The following RASA2 variants were observed in gnomAD, a reference collection of about 807,000 sequenced individuals.
The protein encoded by RASA2 is ras GTPase-activating protein 2.
A neutral mutation model predicts 118.2 loss-of-function variants in RASA2; 155 were observed. The ratio of observed to expected loss-of-function variants is 1.31; its 90% confidence interval spans 1.15 to 1.50. The LOEUF is 1.50. Ranked by LOEUF, RASA2 falls within the 40% of genes most tolerant of loss-of-function variation. The pLI, the probability that RASA2 is intolerant of heterozygous loss-of-function variation, is 0.00. For missense variants in RASA2, 1,016 were observed against 1,009.6 expected, an observed-to-expected ratio of 1.01 and a Z score of -0.09; for synonymous variants, 353 against 349.1, an observed-to-expected ratio of 1.01 and a Z score of -0.12.
Position 141,529,760 on chromosome 3 carries a change from T to C in RASA2, c.408T>C (p.Thr136=), listed in dbSNP as rs756350115. Residue 136 remains threonine (T), a synonymous_variant, in exon 4 of 24, where the codon ACT becomes ACC. Coordinates refer to ENST00000286364, the MANE Select transcript of RASA2 (RefSeq NM_006506.5). ...EDLCNHSGKE[T]WFSLQPVDSN... ...TGTGTAATCACAGTGGCAAAGAAACTTGGTTTTCATTACAGCCTGTTGACT... is the reference window on the plus strand; with the variant it reads ...TGTGTAATCACAGTGGCAAAGAAACCTGGTTTTCATTACAGCCTGTTGACT... The C allele has an allele frequency of 2.5e-6, 4 of 1,612,184 alleles. No homozygotes were observed. In the African/African-American group the frequency reaches 5.3e-5, roughly 22 times the overall value.
At chr3:141,556,516 C>G (rs965738384) in intron 7 of RASA2, among the ~76,000 whole-genome samples, 1 of 151,878 alleles carries the variant, frequency 6.6e-6, no homozygotes, top group Non-Finnish European at 1.5e-5. Flanking sequence ...GCCTGCTTAT[C>G]TTCATAGACA....
chr3:141,564,768 A>T (rs959739818), intron 9 of RASA2, among the ~76,000 whole-genome samples: 9 of 152,214 alleles, frequency 5.9e-5, no homozygotes, highest in Admixed American at 5.9e-4. Context: ...TGACAAGCAC[A>T]TGGGGGTGGT....
In RASA2 at chr3:141,609,917, AG is replaced by A; in HGVS notation, c.2371del (p.Glu791SerfsTer9). 6.2e-7 allele frequency: 1 copy of A among 1,603,988 alleles called. No individual in the cohort carries two copies. The highest frequency in any genetic ancestry group is 8.5e-7 in the Non-Finnish European group (1 of 1,176,160). On this transcript the variant is annotated frameshift_variant, in exon 23 of 24. Transcript: ENST00000286364. LOFTEE classifies it high-confidence loss of function. ...TIAVYQGPQK[E>X]PDDYSNFVIE... ...TTGCAGTCTATCAAGGACCACAGAA[AG>A]AGCCTGATGATTATTCTAACTTTGT... is the stretch of plus-strand genomic sequence containing the variant.
At chr3:141,489,858 C>T (rs1408187638) in intron 1 of RASA2, among the ~76,000 whole-genome samples, 2 of 151,726 alleles carry the variant, frequency 1.3e-5, no homozygotes, top group African/African-American at 2.4e-5. Flanking sequence ...CAAGAGGAAA[C>T]TTAACAAAAA....
chr3:141,609,281 T>G (rs1248578065), intron 21 of RASA2, 139 bp from the exon 22 acceptor site: 2 of 499,234 alleles, frequency 4.0e-6, no homozygotes, highest in African/African-American at 4.0e-5. Flanking sequence ...TTATTTTAAC[T>G]GTCAAATGAA....
intron 1 of RASA2, among the ~76,000 whole-genome samples, chr3:141,490,871 A>C (rs562065517): frequency 1.3e-5 from 2 of 152,186 alleles, no homozygotes; most frequent in Non-Finnish European, 2.9e-5. Flanking sequence ...ACGGGTTGTT[A>C]TGAGGTTTAA....
At position 141,613,543 on chromosome 3, in the gene RASA2, A is replaced by G. The variant is rs1029563916; in HGVS notation, c.*1230A>G. The G allele has an allele frequency of 2.0e-5, 3 of 152,192 alleles. No individual in the cohort carries two copies. Among genetic ancestry groups the G allele is most frequent in the African/African-American group, 4.8e-5 (2 of 41,452 alleles). 9.4% of individuals were successfully genotyped at this position (152,192 alleles called of 1,614,324 possible). On this transcript the variant is annotated 3_prime_UTR_variant, in exon 24 of 24. Transcript: ENST00000286364. ...CTTTGCTTCATCAGTATTAAAAACCATGGTACTCTTATTTTGTCTTTTTTA... is the reference window on the plus strand; with the variant it reads ...CTTTGCTTCATCAGTATTAAAAACCGTGGTACTCTTATTTTGTCTTTTTTA...
intron 3 of RASA2, among the ~76,000 whole-genome samples, chr3:141,524,627 C>G (rs1577681470): frequency 6.6e-6 from 1 of 151,990 alleles, no homozygotes; most frequent in Non-Finnish European, 1.5e-5. Flanking sequence ...GCTCTGTCGC[C>G]CAGGCTGGAG....
At chr3:141,497,869 C>G (rs1257887239) in intron 1 of RASA2, among the ~76,000 whole-genome samples, 2 of 144,998 alleles carry the variant, frequency 1.4e-5, no homozygotes, top group Non-Finnish European at 3.0e-5. Flanking sequence ...GAGACCCTGT[C>G]TCAAAAAAAA....
At chr3:141,596,578 G>A (rs1312782937) in intron 19 of RASA2, among the ~76,000 whole-genome samples, 2 of 152,046 alleles carry the variant, frequency 1.3e-5, no homozygotes, top group Non-Finnish European at 1.5e-5. Flanking sequence ...TTTGCAAAAC[G>A]CTTATCTAAT....
intron 5 of RASA2, among the ~76,000 whole-genome samples, chr3:141,547,054 T>G (rs1254843352): frequency 2.6e-5 from 4 of 152,236 alleles, no homozygotes; most frequent in Non-Finnish European, 5.9e-5. Context: ...TCTGTTGGTC[T>G]ATGTGTCTGT....
At chr3:141,592,762 A>G (rs993661852) in intron 19 of RASA2, among the ~76,000 whole-genome samples, 1 of 152,152 alleles carries the variant, frequency 6.6e-6, no homozygotes, top group Non-Finnish European at 1.5e-5. Context: ...GATAATTCCA[A>G]GGATTTGGGC....
intron 9 of RASA2, among the ~76,000 whole-genome samples, chr3:141,565,027 C>T (rs2151123890): frequency 6.6e-6 from 1 of 152,140 alleles, no homozygotes; most frequent in Middle Eastern, 3.4e-3. Flanking sequence ...TCTCTGTCGC[C>T]CAGGCTGGAG....
At chr3:141,547,208 T>G (rs905677392) in intron 5 of RASA2, among the ~76,000 whole-genome samples, 39 of 152,100 alleles carry the variant, frequency 2.6e-4, no homozygotes, top group African/African-American at 9.4e-4. Context: ...ATATAAATTT[T>G]GGGATTTTTT....
At chr3:141,500,757 C>T (rs1486963827) in intron 1 of RASA2, among the ~76,000 whole-genome samples, 3 of 152,132 alleles carry the variant, frequency 2.0e-5, no homozygotes, top group Non-Finnish European at 4.4e-5. Context: ...TTGTAGTGTT[C>T]ATCAGGTTAA....
chr3:141,497,246 C>T (rs1359989303), intron 1 of RASA2, among the ~76,000 whole-genome samples: 12 of 149,804 alleles, frequency 8.0e-5, no homozygotes, highest in Non-Finnish European at 1.6e-4. Flanking sequence ...GGGTGCAGCA[C>T]ACCAATATGG....
intron 3 of RASA2, among the ~76,000 whole-genome samples, chr3:141,521,375 G>A (rs2151088119): frequency 6.6e-6 from 1 of 152,280 alleles, no homozygotes; most frequent in Non-Finnish European, 1.5e-5. Context: ...ACTAGAGAAA[G>A]GTGGAGTCAG....
intron 19 of RASA2, among the ~76,000 whole-genome samples, chr3:141,601,200 A>G (rs2083457278): frequency 6.6e-6 from 1 of 152,162 alleles, no homozygotes; most frequent in Non-Finnish European, 1.5e-5. Flanking sequence ...GCTGCGGCAG[A>G]CAGATTGCCT....
At chr3:141,502,444 C>T (rs2081797903) in intron 1 of RASA2, among the ~76,000 whole-genome samples, 1 of 152,118 alleles carries the variant, frequency 6.6e-6, no homozygotes, top group South Asian at 2.1e-4. Flanking sequence ...TACTAGCTGT[C>T]CTTTATAATC....
Sources: allele counts gnomAD v4.1 joint callset (sites outside exome capture counted in the v4.1 genomes callset), GRCh38; gene constraint gnomAD v4.1.1; transcripts MANE v1.5; gene names NCBI Gene and HGNC (gene_info 2026-07-23, HGNC 2026-07-21).